The following GREB1 variants were observed in gnomAD, a reference collection of about 807,000 sequenced individuals.
GREB1 encodes protein GREB1.
Under a neutral mutation model 200.7 loss-of-function variants are expected in GREB1, and 106 were observed. The observed-to-expected ratio is 0.53, with a 90% CI of 0.45 to 0.62. GREB1 has a LOEUF of 0.62. Ranked by LOEUF, GREB1 falls within the 20% of genes least tolerant of loss-of-function variation. The pLI is 0.00. For synonymous variants in GREB1, 1,132 were observed against 1,092.4 expected (o/e 1.04, Z -0.72); for missense variants, 2,243 against 2,556.8 (o/e 0.88, Z 2.65).
chr2:11,508,150 C>G (rs1024960535), intron 1 of GREB1, among the ~76,000 whole-genome samples: 1 of 152,218 alleles, frequency 6.6e-6, no homozygotes, highest in Non-Finnish European at 1.5e-5. Flanking sequence ...AGACACTGAG[C>G]TCTTCCAGGC....
At chr2:11,559,226 T>C (rs1354137376) in intron 2 of GREB1, among the ~76,000 whole-genome samples, 1 of 152,110 alleles carries the variant, frequency 6.6e-6, no homozygotes, top group African/African-American at 2.4e-5. Flanking sequence ...CCCAATCCAG[T>C]TGGTTTTGTC....
At chr2:11,622,837 G>A (rs116188227) in intron 23 of GREB1, among the ~76,000 whole-genome samples, 82 of 152,336 alleles carry the variant, frequency 5.4e-4, no homozygotes, top group African/African-American at 2.0e-3. Flanking sequence ...GACTCTGGCC[G>A]GAGTGGAAGT....
chr2:11,555,812 C>T (rs1429401720), intron 1 of GREB1, among the ~76,000 whole-genome samples: 2 of 152,098 alleles, frequency 1.3e-5, no homozygotes, highest in East Asian at 1.9e-4. Context: ...GATAGTTACA[C>T]GACACTGTGA....
At chr2:11,566,359 C>G in intron 3 of GREB1, 121 bp from the exon 4 acceptor site, 1 of 912,830 alleles carries the variant, frequency 1.1e-6, no homozygotes, top group African/African-American at 1.7e-5. Context: ...ATTTTGAGGT[C>G]AAGCACACCC....
intron 4 of GREB1, among the ~76,000 whole-genome samples, chr2:11,567,978 C>T (rs1401713651): frequency 6.6e-6 from 1 of 152,170 alleles, no homozygotes; most frequent in Non-Finnish European, 1.5e-5. Context: ...ACTGTGGGTC[C>T]GGCCCCTCCG....
In GREB1 at chr2:11,634,114, C is replaced by G; in HGVS notation, c.4992-17C>G. The G allele has an allele frequency of 6.2e-7, 1 of 1,610,152 alleles. No homozygotes were observed. Among genetic ancestry groups the G allele is most frequent in the Non-Finnish European group, 8.5e-7 (1 of 1,176,354 alleles). On this transcript the variant is annotated splice_polypyrimidine_tract_variant and intron_variant, in intron 28 of 32. Coordinates refer to ENST00000381486, the MANE Select transcript of GREB1 (RefSeq NM_014668.4). ...TCGTGTGTCAGCCTAGGGACTCACT[C>G]TCCCTCCTTGGAGCAGGGAGTTCTC...
chr2:11,489,685 A>G (rs995282498), intron 1 of GREB1, among the ~76,000 whole-genome samples: 2 of 152,218 alleles, frequency 1.3e-5, no homozygotes, highest in Admixed American at 1.3e-4. Flanking sequence ...ATTGACTTAC[A>G]TATCTTTCAT....
intron 23 of GREB1, 66 bp from the exon 24 acceptor site, chr2:11,625,088 G>A (rs1000840648): frequency 3.3e-5 from 42 of 1,276,792 alleles, no homozygotes; most frequent in Middle Eastern, 3.8e-4. Flanking sequence ...GTTGTTTAGC[G>A]ACACATGACT....
At chr2:11,614,049 C>A (rs1260686863) in intron 19 of GREB1, among the ~76,000 whole-genome samples, 1 of 152,084 alleles carries the variant, frequency 6.6e-6, no homozygotes, top group African/African-American at 2.4e-5. Context: ...GCATCTAGTA[C>A]CCTGGCCTGT....
chr2:11,497,835 C>T (rs928736778), intron 1 of GREB1, among the ~76,000 whole-genome samples: 1 of 151,976 alleles, frequency 6.6e-6, no homozygotes, highest in Non-Finnish European at 1.5e-5. Context: ...CTTTGTTATA[C>T]TATTGAGTGT....
intron 1 of GREB1, among the ~76,000 whole-genome samples, chr2:11,552,786 C>A (rs375315299): frequency 1.5e-4 from 23 of 151,792 alleles, no homozygotes; most frequent in African/African-American, 4.4e-4. Context: ...CCGAGGCGGG[C>A]GGATCACGAG....
chr2:11,569,934 C>T (rs1678089096), intron 4 of GREB1, among the ~76,000 whole-genome samples: 2 of 152,122 alleles, frequency 1.3e-5, no homozygotes, highest in Admixed American at 6.5e-5. Flanking sequence ...TATTTTCAAA[C>T]TATGGAAGTA....
In GREB1 at chr2:11,640,418, C is replaced by G; in HGVS notation, c.5814C>G (p.Asp1938Glu). Residue 1938 changes from aspartate to glutamate, a missense_variant, in exon 33 of 33, where the codon GAC (aspartate) becomes GAG (glutamate). Asp to Glu is a conservative substitution (Grantham distance 45). Coordinates refer to ENST00000381486, the MANE Select transcript of GREB1 (RefSeq NM_014668.4). This position sits in a 1 kb window ranked among gnomAD's most constrained non-coding sequence, Gnocchi z 4.6. Reference sequence around the variant, plus strand: ...TCCAGACCGCCAATGCCAGGGAAGACCGGCCGCTCTTTTTTCTGACGGGAC... The same window carrying G: ...TCCAGACCGCCAATGCCAGGGAAGAGCGGCCGCTCTTTTTTCTGACGGGAC... ...DEFQTANARE[D>E]RPLFFLTGRH... 6.2e-7 allele frequency: 1 copy of G among 1,614,210 alleles called. No individual in the cohort carries two copies. Among genetic ancestry groups the G allele is most frequent in the African/African-American group, 1.3e-5 (1 of 75,056 alleles).
At chr2:11,572,906 C>G (rs1234108968) in intron 4 of GREB1, among the ~76,000 whole-genome samples, 1 of 152,160 alleles carries the variant, frequency 6.6e-6, no homozygotes, top group Non-Finnish European at 1.5e-5. Context: ...CTGTTTTCAT[C>G]TGTAAACTGG....
chr2:11,588,429 G>A (rs1228163460), intron 9 of GREB1: 3 of 475,720 alleles, frequency 6.3e-6, no homozygotes, highest in Admixed American at 3.6e-5. Context: ...TGCTGGAGGA[G>A]TGACAGGTGG....
In GREB1 at chr2:11,580,573, C is replaced by T. The variant is rs1679366098; in HGVS notation, c.773-131C>T. 12 of 1,013,080 alleles carry T rather than the reference C, an allele frequency of 1.2e-5. No individual in the cohort carries two copies. The highest frequency in any genetic ancestry group is 1.8e-5 in the Non-Finnish European group (12 of 683,698). 62.8% of individuals were successfully genotyped at this position (1,013,080 alleles called of 1,614,324 possible). Reference sequence around the variant, plus strand: ...TGTAGCAGAATCACTGTTGGGCATTCTGACCTCCTGATGAGACTTGCTGGG... The same window carrying T: ...TGTAGCAGAATCACTGTTGGGCATTTTGACCTCCTGATGAGACTTGCTGGG... On this transcript the variant is annotated intron_variant, in intron 6 of 32. Transcript: ENST00000381486. This position sits in a 1 kb window ranked among gnomAD's most constrained non-coding sequence, Gnocchi z 4.5.
At chr2:11,575,411 T>C (rs1052100059) in intron 4 of GREB1, among the ~76,000 whole-genome samples, 9 of 152,214 alleles carry the variant, frequency 5.9e-5, no homozygotes, top group African/African-American at 2.2e-4. Flanking sequence ...TATGAAGGTC[T>C]TTTCAAGCAC....
chr2:11,594,196 G>T (rs1681002334), intron 11 of GREB1, among the ~76,000 whole-genome samples: 1 of 151,796 alleles, frequency 6.6e-6, no homozygotes. Flanking sequence ...CTTTGGTAGA[G>T]ACAGGGTTTT....
chr2:11,593,891 A>T (rs1168940332), intron 11 of GREB1, among the ~76,000 whole-genome samples: 1 of 152,152 alleles, frequency 6.6e-6, no homozygotes, highest in East Asian at 1.9e-4. Flanking sequence ...TAGGTGGGGG[A>T]GGCAGACACC....
Sources: allele counts gnomAD v4.1 joint callset (sites outside exome capture counted in the v4.1 genomes callset), GRCh38; gene constraint gnomAD v4.1.1; non-coding constraint Gnocchi (gnomAD v3.1); transcripts MANE v1.5; gene names NCBI Gene and HGNC (gene_info 2026-07-23, HGNC 2026-07-21).